Variants in UHRF2 observed in about 807,000 individuals in gnomAD.
The protein encoded by UHRF2 is ubiquitin like with PHD and ring finger domains 2.
Under a neutral mutation model 96.8 loss-of-function variants are expected in UHRF2, and 23 were observed. The ratio of observed to expected loss-of-function variants is 0.24; its 90% CI spans 0.17 to 0.34. The LOEUF (loss-of-function observed/expected upper bound fraction) is 0.34, where lower values mean the gene tolerates loss of function less well. UHRF2 is among the 10% of genes least tolerant of loss of function. The pLI is 1.00. For synonymous variants in UHRF2, 385 were observed against 332.6 expected (o/e 1.16, Z -1.72); for missense variants, 685 against 981.5 (o/e 0.70, Z 4.04).
At chr9:6,465,277 A>G (rs537255045) in intron 4 of UHRF2, among the ~76,000 whole-genome samples, 3 of 152,290 alleles carry the variant, frequency 2.0e-5, no homozygotes, top group African/African-American at 7.2e-5. Context: ...TAATGCGTGA[A>G]ATTTACATGT....
chr9:6,413,659 C>A lies in UHRF2; in HGVS notation c.153+16C>A, dbSNP rs751410168. On this transcript the variant is annotated intron_variant, in intron 1 of 15. Coordinates refer to ENST00000276893, the MANE Select transcript of UHRF2 (RefSeq NM_152896.3). ...GGGCAAGCAGGTGAGGCGCGCCCGC[C>A]GCGCCCCTAGCGAGGCTGGGGGCCG... 10 of 1,563,082 alleles carry A rather than the reference C, an allele frequency of 6.4e-6. No individual in the cohort carries two copies. In the African/African-American group the frequency reaches 1.3e-4, roughly 20 times the overall value.
At position 6,500,630 on chromosome 9, in the gene UHRF2, A is replaced by G. The variant is rs370070785; in HGVS notation, c.2084A>G (p.Gln695Arg). 12 of 1,613,916 alleles carry G rather than the reference A, an allele frequency of 7.4e-6. No homozygotes were observed. In the African/African-American group the frequency reaches 1.6e-4, roughly 22 times the overall value. The change falls in exon 14 of 16, where the codon CAA becomes CGA. Residue 695 changes from glutamine to arginine, a missense_variant. Physicochemically the swap from Gln to Arg is conservative, Grantham distance 43 (BLOSUM62 1). Around this residue, in one of 6 missense-constraint regions of UHRF2, gnomAD observed 99 missense variants for 73.5 expected, o/e 1.35. Coordinates refer to ENST00000276893, the MANE Select transcript of UHRF2 (RefSeq NM_152896.3). The stretch of plus-strand genomic sequence containing the variant: ...ATTGAGGCTTTTCAACTAACTCCTC[A>G]ACAGCAACATCTCATCAGAGAAGAT... ...EAIEAFQLTP[Q>R]QQHLIREDCQ...
At chr9:6,468,704 T>C in intron 4 of UHRF2, 1 of 455,948 alleles carries the variant, frequency 2.2e-6, no homozygotes, top group Non-Finnish European at 4.4e-6. Context: ...GCTGGAAATG[T>C]AGTAAAAAGT....
intron 4 of UHRF2, chr9:6,468,420 C>A (rs768631930): frequency 2.2e-6 from 1 of 456,054 alleles, no homozygotes; most frequent in Non-Finnish European, 4.4e-6. Flanking sequence ...ATCAAATAGT[C>A]ATCTCTTTGA....
intron 3 of UHRF2, among the ~76,000 whole-genome samples, chr9:6,460,273 C>T (rs1348251729): frequency 6.6e-6 from 1 of 152,132 alleles, no homozygotes; most frequent in Admixed American, 6.6e-5. Flanking sequence ...GATTGTGGTT[C>T]TTGAATGCGG....
rs1472700364 is a variant in UHRF2, at chr9:6,434,487, A to T, written c.644+314A>T. On this transcript the variant is annotated intron_variant, in intron 3 of 15. Transcript: ENST00000276893. ...GGTCTCTCTCTGTCGCCCAAGTTGG[A>T]GTGCTGAATGGCACAATCTCGCCTC... 9 of 223,802 alleles carry T rather than the reference A, an allele frequency of 4.0e-5. No individual in the cohort carries two copies. The South Asian group carries it at 4.1e-4, about 10-fold the overall frequency. The allele number at this position is 223,802 out of a possible 1,614,324, so 13.9% of individuals were successfully genotyped here.
chr9:6,437,924 A>C (rs1382167735), intron 3 of UHRF2, among the ~76,000 whole-genome samples: 1 of 152,172 alleles, frequency 6.6e-6, no homozygotes, highest in Admixed American at 6.5e-5. Context: ...TTTCATTAGA[A>C]GTAAGATACC....
intron 15 of UHRF2, among the ~76,000 whole-genome samples, 155 bp downstream of exon 15, chr9:6,504,846 G>T (rs917314075): frequency 2.0e-5 from 3 of 152,100 alleles, no homozygotes; most frequent in Non-Finnish European, 4.4e-5. Flanking sequence ...GGTGGTAAAT[G>T]CATGTTTTAA....
intron 3 of UHRF2, among the ~76,000 whole-genome samples, chr9:6,440,948 A>G (rs1037229475): frequency 2.6e-5 from 4 of 152,066 alleles, no homozygotes; most frequent in Non-Finnish European, 4.4e-5. Context: ...CTGTGATTCT[A>G]TTTCATTCCC....
At chr9:6,426,897 C>T (rs1285259323) in intron 2 of UHRF2, among the ~76,000 whole-genome samples, 2 of 151,966 alleles carry the variant, frequency 1.3e-5, no homozygotes, top group Non-Finnish European at 2.9e-5. Context: ...TACAGGCACC[C>T]GCCACCATGC....
chr9:6,466,950 A>C (rs1822897626), intron 4 of UHRF2, among the ~76,000 whole-genome samples: 1 of 152,220 alleles, frequency 6.6e-6, no homozygotes, highest in African/African-American at 2.4e-5. Flanking sequence ...AGCTACTTAA[A>C]TTCTCCCTTA....
At chr9:6,494,396 T>G (rs1824846820) in intron 10 of UHRF2, 1 of 153,212 alleles carries the variant, frequency 6.5e-6, no homozygotes, top group Non-Finnish European at 1.5e-5. Context: ...GAATGTCTGC[T>G]AATCAGATAT....
chr9:6,413,538 T>C lies in UHRF2; in HGVS notation c.48T>C (p.Ile16=). 6.3e-7 allele frequency: 1 copy of C among 1,595,264 alleles called. No individual in the cohort carries two copies. The highest frequency in any genetic ancestry group is 8.5e-7 in the Non-Finnish European group (1 of 1,171,750). ...RTIDGSKTCT[I]EDVSRKATIE... is the part of the protein sequence containing the mutation. Reference sequence around the variant, plus strand: ...TTGATGGCTCCAAGACGTGCACCATTGAGGACGTGTCTCGCAAAGCCACGA... The same window carrying C: ...TTGATGGCTCCAAGACGTGCACCATCGAGGACGTGTCTCGCAAAGCCACGA... The change falls in exon 1 of 16, where the codon ATT becomes ATC. Residue 16 remains isoleucine, a synonymous_variant. Transcript: ENST00000276893.
At chr9:6,417,950 A>G (rs1156867) in intron 1 of UHRF2, among the ~76,000 whole-genome samples, 5,323 of 152,244 alleles carry the variant, frequency 0.035, 319 homozygotes, top group African/African-American at 0.12. Context: ...TGTTCTTTCA[A>G]TTTCCAGCAG....
intron 1 of UHRF2, among the ~76,000 whole-genome samples, chr9:6,416,972 A>T (rs571914214): frequency 3.3e-5 from 5 of 152,254 alleles, no homozygotes; most frequent in African/African-American, 1.2e-4. Context: ...TGCCTCTCCC[A>T]CTTGGTTTTC....
chr9:6,489,983 A>T (rs1020925244), intron 9 of UHRF2, among the ~76,000 whole-genome samples: 1 of 152,204 alleles, frequency 6.6e-6, no homozygotes, highest in African/African-American at 2.4e-5. Context: ...TTTAGCATCC[A>T]TATTTTGAAG....
intron 4 of UHRF2, among the ~76,000 whole-genome samples, chr9:6,462,408 T>G (rs1368018262): frequency 1.3e-5 from 2 of 152,030 alleles, no homozygotes; most frequent in Non-Finnish European, 2.9e-5. Flanking sequence ...AACAAAAGTG[T>G]GATTCTATTG....
In UHRF2 at chr9:6,506,355, T is replaced by A; in HGVS notation, c.*176T>A. 1 of 737,756 alleles carries A rather than the reference T, an allele frequency of 1.4e-6. No individual in the cohort carries two copies. The highest frequency in any genetic ancestry group is 2.1e-6 in the Non-Finnish European group (1 of 484,898). 45.7% of individuals were successfully genotyped at this position (737,756 alleles called of 1,614,324 possible). A position where few individuals can be genotyped will look rare whatever the true frequency, so the allele number is the denominator to read the frequency against. On this transcript the variant is annotated 3_prime_UTR_variant, in exon 16 of 16. Transcript: ENST00000276893. ...TAGTAAGAGGCCCATTTCTCAACTG[T>A]CTTTTAAATATCTAAAGGTAGTTCC...
chr9:6,459,662 C>T (rs746890852), intron 3 of UHRF2, among the ~76,000 whole-genome samples: 2 of 152,106 alleles, frequency 1.3e-5, no homozygotes, highest in Non-Finnish European at 1.5e-5. Context: ...GAGTAAGACT[C>T]CATCTCACAA....
Sources: allele counts gnomAD v4.1 joint callset (sites outside exome capture counted in the v4.1 genomes callset), GRCh38; gene constraint gnomAD v4.1.1; regional missense constraint gnomAD v4.1.1; transcripts MANE v1.5; gene names NCBI Gene and HGNC (gene_info 2026-07-23, HGNC 2026-07-21).